The following PFKM variants were observed in gnomAD, a reference collection of about 807,000 sequenced individuals.
PFKM encodes phosphofructokinase, muscle.
In PFKM, 58 loss-of-function variants were observed where a neutral mutation model predicts 95.5. That is an observed-to-expected ratio of 0.61 (90% CI 0.49 to 0.76). PFKM has a LOEUF of 0.76. Ranked by LOEUF, PFKM falls within the 30% of genes least tolerant of loss-of-function variation. The pLI is 0.00. For synonymous variants in PFKM, 336 were observed against 357.2 expected, an observed-to-expected ratio of 0.94 and a Z score of 0.67; for missense variants, 678 against 1,005.4, an observed-to-expected ratio of 0.67 and a Z score of 4.40.
chr12:48,142,669 T>C, intron 17 of PFKM, 113 bp from the exon 18 acceptor site: 2 of 1,064,674 alleles, frequency 1.9e-6, no homozygotes, highest in South Asian at 1.3e-5. Context: ...CTAAGGGCCC[T>C]GCTAGCCTAT....
chr12:48,127,215 C>T (rs971169914), intron 2 of PFKM, among the ~76,000 whole-genome samples: 5 of 151,354 alleles, frequency 3.3e-5, no homozygotes, highest in Non-Finnish European at 5.9e-5. Context: ...TCTTGCTGCC[C>T]CTTATTAGTT....
intron 13 of PFKM, 87 bp from the exon 14 acceptor site, chr12:48,140,635 T>C: frequency 7.7e-7 from 1 of 1,292,654 alleles, no homozygotes; most frequent in Non-Finnish European, 1.1e-6. Flanking sequence ...TGACAAGGGC[T>C]TAGAGCCCTT....
chr12:48,132,250 T>G (rs1195904074), intron 4 of PFKM: 2 of 350,728 alleles, frequency 5.7e-6, no homozygotes, highest in Non-Finnish European at 1.1e-5. Flanking sequence ...AGCCTTAATT[T>G]CCCAGGGACT....
intron 1 of PFKM, chr12:48,106,453 A>T: frequency 2.7e-6 from 1 of 364,458 alleles, no homozygotes; most frequent in Non-Finnish European, 5.0e-6. Flanking sequence ...ATCTGCGGAA[A>T]CCTGTGGCTT....
intron 3 of PFKM, among the ~76,000 whole-genome samples, chr12:48,113,400 G>A (rs1002897494): frequency 2.6e-5 from 4 of 152,200 alleles, no homozygotes; most frequent in African/African-American, 4.8e-5. Flanking sequence ...GTCTTCAGCC[G>A]CTAAGCTGAG....
chr12:48,136,877 C>T (rs2135946419), intron 10 of PFKM, among the ~76,000 whole-genome samples: 1 of 151,756 alleles, frequency 6.6e-6, no homozygotes, highest in Admixed American at 6.6e-5. Flanking sequence ...CCTCAGCCTC[C>T]TGAGTAGCTG....
rs749972510 is a variant in PFKM, at chr12:48,137,758, T to C, written c.974T>C (p.Leu325Ser). The C allele has an allele frequency of 6.2e-7, 1 of 1,614,194 alleles. No homozygotes were observed. Among genetic ancestry groups the C allele is most frequent in the Non-Finnish European group, 8.5e-7 (1 of 1,180,012 alleles). Residue 325 changes from leucine to serine, a missense_variant, in exon 11 of 23, where the codon TTG becomes TCG. Transcript: ENST00000359794. ...RMGVEAVMAL[L>S]EGTPDTPACV... ...GGTGTGGAAGCAGTGATGGCACTTT[T>C]GGAGGGGACCCCAGATACCCCAGCC...
rs866904446 is a variant in PFKM, at chr12:48,134,818, C to T, written c.736C>T (p.Arg246Ter). The T allele has an allele frequency of 3.7e-6, 6 of 1,613,316 alleles. No individual in the cohort carries two copies. Among genetic ancestry groups the T allele is most frequent in the Admixed American group, 3.3e-5 (2 of 60,006 alleles). The change falls in exon 8 of 23, where the codon CGA becomes TGA. Residue 246 changes from arginine (R) to a stop codon, truncating the protein, a stop_gained. Transcript: ENST00000359794. LOFTEE classifies it high-confidence loss of function. ...DDDWEEHLCR[R>*]LSETRTRGSR... ...CGACTGGGAGGAACACCTTTGTCGC[C>T]GACTCAGCGAGGTACTTGCACTTTA...
intron 2 of PFKM, among the ~76,000 whole-genome samples, chr12:48,129,514 G>C (rs576819819): frequency 5.3e-5 from 8 of 152,298 alleles, no homozygotes; most frequent in Admixed American, 3.9e-4. Flanking sequence ...AACGCAGTGA[G>C]AGAATAGAGT....
At position 48,133,500 on chromosome 12, in the gene PFKM, A is replaced by G; in HGVS notation, c.593+20A>G. The G allele has an allele frequency of 6.2e-7, 1 of 1,610,362 alleles. No individual in the cohort carries two copies. The highest frequency in any genetic ancestry group is 1.7e-5 in the Admixed American group (1 of 60,026). The stretch of plus-strand genomic sequence containing the variant: ...CCAGAGGTAAGGGGACTTGGGAGGT[A>G]GGCAGTGTAAGAAGATGGCAGCTAG... On this transcript the variant is annotated intron_variant, in intron 6 of 22. Coordinates refer to ENST00000359794, the MANE Select transcript of PFKM (RefSeq NM_000289.6).
intron 17 of PFKM, 38 bp from the exon 18 acceptor site, chr12:48,142,744 G>A: frequency 6.3e-7 from 1 of 1,589,446 alleles, no homozygotes; most frequent in Non-Finnish European, 8.6e-7. Flanking sequence ...TCAGGCCCCT[G>A]ATCATGTCTT....
chr12:48,135,607 A>G (rs531359999), intron 10 of PFKM, among the ~76,000 whole-genome samples: 2 of 152,292 alleles, frequency 1.3e-5, no homozygotes, highest in East Asian at 3.9e-4. Flanking sequence ...GTGAGGAACA[A>G]TATCTTTTTG....
chr12:48,140,394 C>T (rs1592785903), intron 13 of PFKM, among the ~76,000 whole-genome samples: 1 of 152,278 alleles, frequency 6.6e-6, no homozygotes, highest in Middle Eastern at 3.4e-3. Context: ...TAACAGGCTC[C>T]CCCAGTGGAT....
Position 48,145,485 on chromosome 12 carries a change from A to G in PFKM, c.2199-79A>G. 1 of 1,559,496 alleles carries G rather than the reference A, an allele frequency of 6.4e-7. No homozygotes were observed. Among genetic ancestry groups the G allele is most frequent in the African/African-American group, 1.4e-5 (1 of 73,844 alleles). On this transcript the variant is annotated intron_variant, in intron 22 of 22. Transcript: ENST00000359794. This position sits in a 1 kb window ranked among gnomAD's most constrained non-coding sequence, Gnocchi z 4.3. ...TCCTAAATCTAACCTCTTCTGTCTAACTTCTTCCTATAAACCTTTGGTAGA... is the reference window on the plus strand; with the variant it reads ...TCCTAAATCTAACCTCTTCTGTCTAGCTTCTTCCTATAAACCTTTGGTAGA...
chr12:48,105,696 A>C, upstream of PFKM: 2 of 460,302 alleles, frequency 4.3e-6, no homozygotes, highest in Non-Finnish European at 8.0e-6. Flanking sequence ...AAGCCCCGGA[A>C]TCGCAACCGG....
intron 1 of PFKM, chr12:48,106,622 G>A (rs909134645): frequency 6.0e-6 from 1 of 166,506 alleles, no homozygotes; most frequent in Admixed American, 5.7e-5. Context: ...TTAAGTGCAC[G>A]GCCCATCTAG....
rs1949689143 is a variant in PFKM, at chr12:48,133,114, C to T, written c.427+57C>T. On this transcript the variant is annotated intron_variant, in intron 5 of 22. Transcript: ENST00000359794. ...TTGTGTCGGTACGTGCACGCGTGTA[C>T]ACACACACATCGCCCCCGCCCTGCT... is the stretch of plus-strand genomic sequence containing the variant. 2.1e-6 allele frequency: 3 copies of T among 1,446,966 alleles called. No individual in the cohort carries two copies. In the Admixed American group the frequency reaches 5.1e-5, roughly 24 times the overall value. The allele number at this position is 1,446,966 out of a possible 1,614,324, so 89.6% of individuals were successfully genotyped here. A position where few individuals can be genotyped will look rare whatever the true frequency, so the allele number is the denominator to read the frequency against.
At chr12:48,131,696 G>A (rs555307242) in intron 4 of PFKM, 115 of 423,486 alleles carry the variant, frequency 2.7e-4, no homozygotes, top group Non-Finnish European at 2.7e-4. Context: ...GGGAAGGTCT[G>A]GCCCTGAAAA....
rs753808022 is a variant in PFKM, at chr12:48,107,359, T to C, written c.-9-6T>C. On this transcript the variant is annotated splice_region_variant and splice_polypyrimidine_tract_variant and intron_variant, in intron 1 of 24. Coordinates refer to the PFKM transcript ENST00000340802. ...CGTTTGGATTAAACTCTGTCTCTAT[T>C]TCTAGGAGGCAGCCATGCATAAAGA... The C allele has an allele frequency of 9.5e-6, 15 of 1,572,126 alleles. No individual in the cohort carries two copies. The African/African-American group carries it at 1.1e-4, about 11-fold the overall frequency.
Sources: allele counts gnomAD v4.1 joint callset (sites outside exome capture counted in the v4.1 genomes callset), GRCh38; gene constraint gnomAD v4.1.1; non-coding constraint Gnocchi (gnomAD v3.1); transcripts MANE v1.5; gene names NCBI Gene and HGNC (gene_info 2026-07-23, HGNC 2026-07-21).